The following MTUS2 variants were observed in gnomAD, a reference collection of about 807,000 sequenced individuals.
MTUS2 encodes the protein microtubule-associated tumor suppressor candidate 2.
In MTUS2, 40 loss-of-function variants were observed where a neutral mutation model predicts 114.1. The ratio of observed to expected loss-of-function variants is 0.35; its 90% CI spans 0.27 to 0.46. The LOEUF is 0.46. Ranked by LOEUF, MTUS2 falls within the 20% of genes least tolerant of loss-of-function variation. The pLI, the probability that MTUS2 is intolerant of heterozygous loss-of-function variation, is 1.00. For synonymous variants in MTUS2, 688 were observed against 672.0 expected (o/e 1.02, Z -0.37); for missense variants, 1,679 against 1,705.4 (o/e 0.98, Z 0.27).
intron 6 of MTUS2, among the ~76,000 whole-genome samples, chr13:29,287,546 T>C (rs891371972): frequency 1.2e-4 from 18 of 152,170 alleles, no homozygotes; most frequent in African/African-American, 4.1e-4. Context: ...CCTCCCTCAC[T>C]GAACACATGT....
At chr13:28,948,562 AT>A (rs1161577506) in intron 2 of MTUS2, among the ~76,000 whole-genome samples, 1 of 152,112 alleles carries the variant, frequency 6.6e-6, no homozygotes, top group Non-Finnish European at 1.5e-5. Flanking sequence ...AGTCTTCTTG[AT>A]TTCTAAGATT....
At chr13:29,430,843 C>G (rs1876941747) in intron 8 of MTUS2, among the ~76,000 whole-genome samples, 1 of 152,090 alleles carries the variant, frequency 6.6e-6, no homozygotes. Flanking sequence ...ATCAGAATTC[C>G]CAAATCCCAC....
chr13:28,907,626 T>G (rs1175030507), intron 2 of MTUS2, among the ~76,000 whole-genome samples: 1 of 151,302 alleles, frequency 6.6e-6, no homozygotes, highest in Non-Finnish European at 1.5e-5. Context: ...AAACAGACTT[T>G]AAACCAACAA....
At chr13:29,125,681 A>C (rs899913228) in intron 5 of MTUS2, among the ~76,000 whole-genome samples, 12 of 152,214 alleles carry the variant, frequency 7.9e-5, no homozygotes, top group African/African-American at 2.9e-4. Flanking sequence ...TAATAGCTTT[A>C]CCTGGGAAGT....
chr13:29,432,010 ATTTTTTTTTTT>A (rs57182093), intron 8 of MTUS2, among the ~76,000 whole-genome samples: 5 of 81,060 alleles, frequency 6.2e-5, no homozygotes, highest in Admixed American at 1.5e-4. Context: ...ACGCTCAGCT[ATTTTTTTTTTT>A]TTTTTTTTTT....
chr13:29,200,231 A>G (rs1894885072), intron 5 of MTUS2, among the ~76,000 whole-genome samples: 1 of 151,602 alleles, frequency 6.6e-6, no homozygotes, highest in African/African-American at 2.4e-5. Context: ...GTCTTCTGCT[A>G]GCTTTTGAAT....
At chr13:29,292,506 C>T (rs1362949069) in intron 6 of MTUS2, among the ~76,000 whole-genome samples, 1 of 152,112 alleles carries the variant, frequency 6.6e-6, no homozygotes, top group East Asian at 1.9e-4. Flanking sequence ...TAAGTAACTA[C>T]ACGGATTTGT....
intron 8 of MTUS2, among the ~76,000 whole-genome samples, chr13:29,405,184 AACTT>A (rs1265470466): frequency 3.3e-5 from 5 of 152,326 alleles, no homozygotes; most frequent in African/African-American, 1.2e-4. Context: ...ACTGAGGAGT[AACTT>A]AATGTCCTTG....
intron 2 of MTUS2, among the ~76,000 whole-genome samples, chr13:29,010,657 C>T (rs1295979208): frequency 6.6e-6 from 1 of 152,012 alleles, no homozygotes; most frequent in African/African-American, 2.4e-5. Context: ...GGTTTTCTTC[C>T]TATTTACTTG....
At chr13:29,402,971 G>A (rs972270621) in intron 8 of MTUS2, among the ~76,000 whole-genome samples, 1 of 152,090 alleles carries the variant, frequency 6.6e-6, no homozygotes, top group African/African-American at 2.4e-5. Flanking sequence ...TCCTGACCTC[G>A]TGATCTGCCT....
intron 2 of MTUS2, among the ~76,000 whole-genome samples, chr13:28,868,768 A>G (rs1877449847): frequency 6.6e-6 from 1 of 152,220 alleles, no homozygotes; most frequent in Admixed American, 6.5e-5. Context: ...ATTTTAGACT[A>G]TCAGTCCTTT....
intron 7 of MTUS2, among the ~76,000 whole-genome samples, chr13:29,331,733 A>C (rs1900788028): frequency 2.0e-5 from 3 of 152,208 alleles, no homozygotes; most frequent in Non-Finnish European, 4.4e-5. Flanking sequence ...GATATGTTCC[A>C]TAAATACCTA....
chr13:29,188,786 T>C lies in MTUS2; in HGVS notation c.2644+87816T>C, dbSNP rs756217155. On this transcript the variant is annotated intron_variant, in intron 5 of 15. Coordinates refer to ENST00000612955, the MANE Select transcript of MTUS2 (RefSeq NM_001033602.4). ...CTTGCCTACCTCCCCTTCTGAGTAG[T>C]AGCCACCCCTCTGCAGTAGCCTCTG... is the stretch of plus-strand genomic sequence containing the variant. Among the ~76,000 whole-genome samples the C allele has an allele frequency of 9.2e-5, 14 of 152,324 alleles. 1 individual carries two copies. The South Asian group carries it at 1.7e-3, about 18-fold the overall frequency.
rs56898077 is a variant in MTUS2 at position 29,098,447 on chromosome 13, AACAC to A, written c.2447-2308_2447-2305del. ...AAGGTATACTTTTGCAAGTCATCTA[AACAC>A]ACACACACACACACACATGTGCGTG... On this transcript the variant is annotated intron_variant, in intron 4 of 15. Coordinates refer to ENST00000612955, the MANE Select transcript of MTUS2 (RefSeq NM_001033602.4). Among the ~76,000 whole-genome samples, 166 of 151,442 alleles carry A rather than the reference AACAC, an allele frequency of 1.1e-3. No individual in the cohort carries two copies. The East Asian group carries it at 0.012, about 11-fold the overall frequency.
intron 8 of MTUS2, among the ~76,000 whole-genome samples, chr13:29,400,447 T>C (rs1874243263): frequency 6.6e-6 from 1 of 152,192 alleles, no homozygotes; most frequent in African/African-American, 2.4e-5. Context: ...GCACAGAAAT[T>C]GTGAATTGAT....
intron 6 of MTUS2, among the ~76,000 whole-genome samples, chr13:29,297,182 A>T (rs1898984534): frequency 6.6e-6 from 1 of 152,146 alleles, no homozygotes; most frequent in South Asian, 2.1e-4. Flanking sequence ...TCTTAATATC[A>T]TTTAATGAAG....
At chr13:28,965,987 A>G (rs1883564552) in intron 2 of MTUS2, among the ~76,000 whole-genome samples, 1 of 152,250 alleles carries the variant, frequency 6.6e-6, no homozygotes, top group Admixed American at 6.5e-5. Context: ...ATGTATAAAA[A>G]TTAACCATCA....
chr13:29,412,984 A>T (rs1298438828), intron 8 of MTUS2, among the ~76,000 whole-genome samples: 1 of 152,082 alleles, frequency 6.6e-6, no homozygotes, highest in Non-Finnish European at 1.5e-5. Context: ...GCAACGGTTG[A>T]GTTTTTCTCA....
intron 2 of MTUS2, among the ~76,000 whole-genome samples, chr13:28,871,246 G>A (rs1812231371): frequency 6.6e-6 from 1 of 152,106 alleles, no homozygotes; most frequent in South Asian, 2.1e-4. Context: ...TGACCCACAA[G>A]CCCTTCTATC....
Sources: allele counts gnomAD v4.1 joint callset (sites outside exome capture counted in the v4.1 genomes callset), GRCh38; gene constraint gnomAD v4.1.1; transcripts MANE v1.5; gene names NCBI Gene and HGNC (gene_info 2026-07-23, HGNC 2026-07-21).